EXOC4: variants seen among roughly 807,000 people sequenced by gnomAD.
EXOC4 encodes SEC8-like 1.
A neutral mutation model predicts 107.2 loss-of-function variants in EXOC4; 71 were observed. The observed-to-expected ratio is 0.66, with a 90% CI of 0.55 to 0.81. The LOEUF (loss-of-function observed/expected upper bound fraction) is 0.81, where lower values mean the gene tolerates loss of function less well. EXOC4 is among the 30% of genes least tolerant of loss of function. The probability of loss-of-function intolerance (pLI) is 0.00; values close to 1 mark genes in which losing one functional copy is unlikely to be tolerated. For missense variants in EXOC4, 1,108 were observed against 1,189.6 expected, an observed-to-expected ratio of 0.93 and a Z score of 1.01; for synonymous variants, 456 against 441.2, an observed-to-expected ratio of 1.03 and a Z score of -0.42.
chr7:133,328,334 A>T (rs559646313), intron 5 of EXOC4, among the ~76,000 whole-genome samples: 1 of 151,724 alleles, frequency 6.6e-6, no homozygotes, highest in Admixed American at 6.6e-5. Context: ...TGCACGTGAG[A>T]TGGGTTTCCT....
rs1214250223 is a variant in EXOC4 at position 133,737,912 on chromosome 7, T to TTTTC, written c.1515-79410_1515-79409insCTTT. Among the ~76,000 whole-genome samples the TTTTC allele has an allele frequency of 1.8e-3, 244 of 133,158 alleles. 1 individual carries two copies. The highest frequency in any genetic ancestry group is 4.3e-3 in the African/African-American group (151 of 35,260). The allele number at this position is 133,158 out of a possible 152,430, so 87.4% of individuals were successfully genotyped here. A position where few individuals can be genotyped will look rare whatever the true frequency, so the allele number is the denominator to read the frequency against. On this transcript the variant is annotated intron_variant, in intron 10 of 17. Transcript: ENST00000253861. ...TTGTGCCTCTTGATTTTTCTTTCTT[T>TTTTC]TTTTTTTTTTTTTTTTTGAGACGGG...
At chr7:133,598,142 T>A (rs1029527170) in intron 9 of EXOC4, among the ~76,000 whole-genome samples, 1 of 152,200 alleles carries the variant, frequency 6.6e-6, no homozygotes, top group Non-Finnish European at 1.5e-5. Context: ...ACGTAACACT[T>A]CTGCTTATGT....
At chr7:133,541,629 A>G (rs1800381380) in intron 9 of EXOC4, among the ~76,000 whole-genome samples, 1 of 152,036 alleles carries the variant, frequency 6.6e-6, no homozygotes, top group African/African-American at 2.4e-5. Flanking sequence ...CCTCACAAGT[A>G]GCTGAGACTA....
intron 11 of EXOC4, among the ~76,000 whole-genome samples, chr7:133,849,432 TAAAA>T (rs1031766111): frequency 2.0e-5 from 3 of 151,798 alleles, no homozygotes; most frequent in African/African-American, 7.3e-5. Flanking sequence ...AATTAAAAAA[TAAAA>T]AAAGAGCTTA....
chr7:134,031,750 G>C (rs182905967), intron 17 of EXOC4, among the ~76,000 whole-genome samples: 56 of 152,328 alleles, frequency 3.7e-4, no homozygotes, highest in African/African-American at 1.3e-3. Flanking sequence ...AAACTTCTAT[G>C]CAAGTGAATC....
At chr7:133,684,896 C>G (rs1794263175) in intron 10 of EXOC4, among the ~76,000 whole-genome samples, 1 of 152,058 alleles carries the variant, frequency 6.6e-6, no homozygotes, top group South Asian at 2.1e-4. Context: ...TTGAAACCTC[C>G]TTTTTATAAA....
At chr7:133,341,856 G>A (rs1795668313) in intron 5 of EXOC4, among the ~76,000 whole-genome samples, 1 of 152,040 alleles carries the variant, frequency 6.6e-6, no homozygotes, top group African/African-American at 2.4e-5. Flanking sequence ...AGCTATTCTT[G>A]CTCACATTTC....
At chr7:133,370,094 C>T (rs1796339801) in intron 6 of EXOC4, among the ~76,000 whole-genome samples, 1 of 151,838 alleles carries the variant, frequency 6.6e-6, no homozygotes, top group Non-Finnish European at 1.5e-5. Flanking sequence ...GCCTGGCCTC[C>T]TTCCAGATTT....
In EXOC4 at chr7:134,004,996, C is replaced by A. The variant is rs1165961810; in HGVS notation, c.2433C>A (p.Asp811Glu). Residue 811 changes from aspartate to glutamate, a missense_variant, in exon 16 of 18, where the codon GAC becomes GAA. Coordinates refer to ENST00000253861, the MANE Select transcript of EXOC4 (RefSeq NM_021807.4). ...CTAATGTGGAAAGTATGGATTATGA[C>A]CCCCTGGTGGTCAAGCTCAACAAAG... ...IVANVESMDY[D>E]PLVVKLNKDI... 26 of 1,613,378 alleles carry A rather than the reference C, an allele frequency of 1.6e-5. No individual in the cohort carries two copies. Among genetic ancestry groups the A allele is most frequent in the East Asian group, 2.2e-5 (1 of 44,852 alleles).
intron 14 of EXOC4, among the ~76,000 whole-genome samples, chr7:133,943,925 C>G (rs1489587964): frequency 6.6e-6 from 1 of 152,074 alleles, no homozygotes; most frequent in Non-Finnish European, 1.5e-5. Context: ...ATAACACACC[C>G]CAATTCATGC....
intron 17 of EXOC4, among the ~76,000 whole-genome samples, chr7:134,052,104 C>T (rs1001317786): frequency 7.9e-5 from 12 of 152,140 alleles, no homozygotes; most frequent in Admixed American, 3.3e-4. Flanking sequence ...ACGTCATTGA[C>T]GACCCTTTTC....
chr7:133,347,433 G>A (rs539954933), intron 5 of EXOC4, among the ~76,000 whole-genome samples: 1 of 151,716 alleles, frequency 6.6e-6, no homozygotes, highest in African/African-American at 2.4e-5. Context: ...TAGTAGAGAT[G>A]GGGTTTCACC....
chr7:133,956,016 C>G (rs1049946657), intron 14 of EXOC4, among the ~76,000 whole-genome samples: 1 of 152,198 alleles, frequency 6.6e-6, no homozygotes, highest in Non-Finnish European at 1.5e-5. Flanking sequence ...GTGGCAGCAG[C>G]TGCACCTGGG....
chr7:133,610,424 G>GT (rs1802050284), intron 9 of EXOC4, among the ~76,000 whole-genome samples: 2 of 152,276 alleles, frequency 1.3e-5, no homozygotes, highest in Admixed American at 1.3e-4. Context: ...GCCCTTCTTA[G>GT]TAAGTTTTTG....
At chr7:133,644,161 T>A (rs1451899386) in intron 10 of EXOC4, among the ~76,000 whole-genome samples, 1 of 152,242 alleles carries the variant, frequency 6.6e-6, no homozygotes, top group Non-Finnish European at 1.5e-5. Flanking sequence ...AGTTTTCTGC[T>A]TATATAAATT....
At chr7:133,780,139 G>A (rs528314577) in intron 10 of EXOC4, among the ~76,000 whole-genome samples, 3 of 152,036 alleles carry the variant, frequency 2.0e-5, no homozygotes. Flanking sequence ...CAAAAAACTA[G>A]TGGTCACTAA....
chr7:133,636,267 A>G (rs994799095), intron 10 of EXOC4, among the ~76,000 whole-genome samples: 12 of 152,212 alleles, frequency 7.9e-5, no homozygotes, highest in Admixed American at 4.6e-4. Context: ...GACAACGCTT[A>G]ACCAGAAAGA....
chr7:133,963,990 A>G (rs1801005356), intron 14 of EXOC4, among the ~76,000 whole-genome samples: 1 of 152,242 alleles, frequency 6.6e-6, no homozygotes, highest in African/African-American at 2.4e-5. Context: ...AAGAATGTTA[A>G]GTACAGAAAT....
chr7:133,771,688 C>T (rs1403000906), intron 10 of EXOC4, among the ~76,000 whole-genome samples: 1 of 151,936 alleles, frequency 6.6e-6, no homozygotes, highest in Non-Finnish European at 1.5e-5. Flanking sequence ...TTACAAACAG[C>T]TTCCATTTCC....
Sources: gnomAD v4.1 joint callset for allele counts (sites outside exome capture counted in the v4.1 genomes callset) on GRCh38, gnomAD v4.1.1 for gene constraint, MANE v1.5 for transcripts, NCBI Gene and HGNC (gene_info 2026-07-23, HGNC 2026-07-21) for gene names.